NRXN3: variants seen among roughly 807,000 people sequenced by gnomAD.
NRXN3 encodes neurexin III.
Under a neutral mutation model 137.6 loss-of-function variants are expected in NRXN3, and 32 were observed. That is an observed-to-expected ratio of 0.23 (90% CI 0.18 to 0.31). The LOEUF is 0.31. Among genes scored for constraint, NRXN3 ranks in the 10% least tolerant of loss-of-function variants. The probability of loss-of-function intolerance (pLI) is 1.00; values close to 1 mark genes in which losing one functional copy is unlikely to be tolerated. For synonymous variants in NRXN3, 798 were observed against 784.5 expected (o/e 1.02, Z -0.29); for missense variants, 1,574 against 2,062.5 (o/e 0.76, Z 4.59).
intron 16 of NRXN3, among the ~76,000 whole-genome samples, chr14:79,480,986 A>G (rs1263473384): frequency 2.0e-5 from 3 of 152,134 alleles, no homozygotes; most frequent in East Asian, 1.9e-4. Context: ...GTATTTCTTT[A>G]TATCAATGCC....
At chr14:79,760,543 A>C (rs2139397539) in intron 19 of NRXN3, 1 of 151,538 alleles carries the variant, frequency 6.6e-6, no homozygotes, top group African/African-American at 2.4e-5. Flanking sequence ...ATAAGGAGAA[A>C]AAATATTCAA....
At chr14:78,990,785 T>C (rs1396392021) in intron 15 of NRXN3, among the ~76,000 whole-genome samples, 1 of 152,242 alleles carries the variant, frequency 6.6e-6, no homozygotes, top group African/African-American at 2.4e-5. Context: ...TTAAAATTAT[T>C]ACATTGGACG....
At chr14:79,076,726 T>TACCA (rs1360108507) in intron 15 of NRXN3, among the ~76,000 whole-genome samples, 1 of 152,180 alleles carries the variant, frequency 6.6e-6, no homozygotes, top group Admixed American at 6.5e-5. Context: ...AGGGTATGAA[T>TACCA]ACCAGGAGGC....
chr14:79,693,557 T>C (rs933027920), intron 18 of NRXN3, among the ~76,000 whole-genome samples: 1 of 152,016 alleles, frequency 6.6e-6, no homozygotes, highest in African/African-American at 2.4e-5. Context: ...CTGAGTCTCA[T>C]GTGCCTGAGA....
intron 16 of NRXN3, among the ~76,000 whole-genome samples, chr14:79,579,367 TA>T (rs560061279): frequency 0.019 from 2,757 of 142,272 alleles, 93 homozygotes; most frequent in African/African-American, 0.068. Context: ...TATATATATA[TA>T]ATATATATAT....
intron 4 of NRXN3, among the ~76,000 whole-genome samples, chr14:78,359,806 G>C (rs918738690): frequency 2.6e-5 from 4 of 152,170 alleles, no homozygotes; most frequent in Admixed American, 2.6e-4. Context: ...GGCCTGGTGT[G>C]AGTCTGTCTA....
At chr14:78,991,948 C>G (rs1396617) in intron 15 of NRXN3, among the ~76,000 whole-genome samples, 13,768 of 152,004 alleles carry the variant, frequency 0.091, 1,980 homozygotes, top group African/African-American at 0.3. Context: ...TTGATGGAGG[C>G]AGTGGGATGA....
chr14:79,662,197 T>C (rs1216855543), intron 16 of NRXN3, among the ~76,000 whole-genome samples: 1 of 152,140 alleles, frequency 6.6e-6, no homozygotes, highest in East Asian at 1.9e-4. Flanking sequence ...ACTCACAGAA[T>C]GGAAAGGACT....
intron 16 of NRXN3, among the ~76,000 whole-genome samples, chr14:79,585,929 T>A (rs2097762418): frequency 1.3e-5 from 2 of 152,208 alleles, no homozygotes; most frequent in Admixed American, 1.3e-4. Flanking sequence ...GATTTCCCTA[T>A]GTCTTACCTG....
chr14:78,944,221 G>T (rs1451430166), intron 10 of NRXN3, among the ~76,000 whole-genome samples: 3 of 152,146 alleles, frequency 2.0e-5, no homozygotes, highest in African/African-American at 7.2e-5. Flanking sequence ...CTACAAAAAT[G>T]CAAGCCACCA....
chr14:79,568,946 T>C (rs1285922982), intron 16 of NRXN3, among the ~76,000 whole-genome samples: 1 of 152,144 alleles, frequency 6.6e-6, no homozygotes, highest in African/African-American at 2.4e-5. Flanking sequence ...CCTAGAGTAA[T>C]ACATCTTCTG....
chr14:78,250,962 G>GAC (rs1199080022), intron 2 of NRXN3, among the ~76,000 whole-genome samples: 1 of 152,194 alleles, frequency 6.6e-6, no homozygotes, highest in African/African-American at 2.4e-5. Context: ...GAGAGAGAGA[G>GAC]AGAGAGAGAG....
chr14:78,950,146 T>TA (rs1052980491), intron 10 of NRXN3, among the ~76,000 whole-genome samples: 11 of 152,154 alleles, frequency 7.2e-5, no homozygotes, highest in Admixed American at 7.2e-4. Flanking sequence ...AAAGTTTTTT[T>TA]AAAAACAAGA....
At chr14:78,441,220 T>C (rs779355747) in intron 4 of NRXN3, among the ~76,000 whole-genome samples, 8 of 152,202 alleles carry the variant, frequency 5.3e-5, no homozygotes, top group Non-Finnish European at 1.2e-4. Context: ...CCCTGTGACA[T>C]GGTGAGATGC....
intron 4 of NRXN3, among the ~76,000 whole-genome samples, chr14:78,450,556 C>G (rs1338224262): frequency 6.6e-6 from 1 of 152,138 alleles, no homozygotes; most frequent in Non-Finnish European, 1.5e-5. Flanking sequence ...TACCTGGAGC[C>G]CGGTGGAATC....
At chr14:79,244,327 C>T (rs1317363936) in intron 15 of NRXN3, among the ~76,000 whole-genome samples, 1 of 152,090 alleles carries the variant, frequency 6.6e-6, no homozygotes, top group Non-Finnish European at 1.5e-5. Flanking sequence ...CTTTGCCTGC[C>T]GATTTGTGCT....
At position 79,862,007 on chromosome 14, in the gene NRXN3, T is replaced by C. The variant is rs1356330499; in HGVS notation, c.*43T>C. ...ACACGCGAGTTTTCACAGTTATTTCTATCCACGCCTATGAATCTTTGGACG... is the reference window on the plus strand; with the variant it reads ...ACACGCGAGTTTTCACAGTTATTTCCATCCACGCCTATGAATCTTTGGACG... On this transcript the variant is annotated 3_prime_UTR_variant, in exon 21 of 21. Transcript: ENST00000335750. 12 of 1,441,578 alleles carry C rather than the reference T, an allele frequency of 8.3e-6. No homozygotes were observed. Among genetic ancestry groups the C allele is most frequent in the Non-Finnish European group, 1.1e-5 (12 of 1,053,096 alleles). 89.3% of individuals were successfully genotyped at this position (1,441,578 alleles called of 1,614,324 possible).
intron 10 of NRXN3, among the ~76,000 whole-genome samples, chr14:78,839,420 G>A (rs920009893): frequency 2.1e-4 from 32 of 152,162 alleles, no homozygotes; most frequent in African/African-American, 6.5e-4. Flanking sequence ...TAAAAGCAAT[G>A]GAGCTCATGT....
intron 19 of NRXN3, among the ~76,000 whole-genome samples, chr14:79,730,055 G>C (rs1222408173): frequency 6.6e-6 from 1 of 152,164 alleles, no homozygotes; most frequent in African/African-American, 2.4e-5. Flanking sequence ...TATCTGGGTG[G>C]AAAGCTTAGA....
Sources: allele counts gnomAD v4.1 joint callset (sites outside exome capture counted in the v4.1 genomes callset), GRCh38; gene constraint gnomAD v4.1.1; transcripts MANE v1.5; gene names NCBI Gene and HGNC (gene_info 2026-07-23, HGNC 2026-07-21).